Variants in KIN observed in about 807,000 individuals in gnomAD.
KIN encodes the protein DNA/RNA-binding protein KIN17.
In KIN, 47 loss-of-function variants were observed where a neutral mutation model predicts 63.0. That is an observed-to-expected ratio of 0.75 (90% CI 0.59 to 0.95). The LOEUF (loss-of-function observed/expected upper bound fraction) is 0.95. KIN is among the 40% of genes least tolerant of loss of function. The probability of loss-of-function intolerance (pLI) is 0.00; values close to 1 mark genes in which losing one functional copy is unlikely to be tolerated. For synonymous variants in KIN, 160 were observed against 157.7 expected (o/e 1.01, Z -0.11); for missense variants, 408 against 460.9 (o/e 0.89, Z 1.05).
chr10:7,758,876 TACG>T, intron 12 of KIN, among the ~76,000 whole-genome samples: 1 of 152,074 alleles, frequency 6.6e-6, no homozygotes, highest in Non-Finnish European at 1.5e-5. Flanking sequence ...CCCCTTAGTT[TACG>T]TTAGTAACAG....
chr10:7,770,034 G>A (rs1038159525), intron 7 of KIN, among the ~76,000 whole-genome samples: 37 of 152,220 alleles, frequency 2.4e-4, no homozygotes, highest in Admixed American at 1.5e-3. Flanking sequence ...AGGTTCAAGC[G>A]ATTCTCGTGC....
rs73628485 is a variant in KIN at position 7,763,865 on chromosome 10, C to G, written c.850-74G>C. 5,185 of 724,192 alleles carry G rather than the reference C, an allele frequency of 7.2e-3. 220 individuals are homozygous for G. In the African/African-American group the frequency reaches 0.085, roughly 12 times the overall value. The allele number at this position is 724,192 out of a possible 1,614,324, so 44.9% of individuals were successfully genotyped here. On this transcript the variant is annotated intron_variant, in intron 9 of 12. Transcript: ENST00000379562. ...TTGTCATTTACTTCTTCCTTTTAAA[C>G]TATGTTCACCCAAAACCACAGGAAA... is the stretch of plus-strand genomic sequence containing the variant.
chr10:7,768,712 G>C lies in KIN; in HGVS notation c.798+504C>G, dbSNP rs138394924. 1.1e-3 allele frequency among the ~76,000 whole-genome samples: 166 copies of C among 152,208 alleles called. 1 individual carries two copies. Among genetic ancestry groups the C allele is most frequent in the African/African-American group, 3.9e-3 (160 of 41,534 alleles). On this transcript the variant is annotated intron_variant, in intron 8 of 12. Coordinates refer to ENST00000379562, the MANE Select transcript of KIN (RefSeq NM_012311.4). ...GCAGGGAGTTTCAAAGACAGCACCT[G>C]AGGCATTAAAAGAAACCTATTTAGG...
At chr10:7,787,787 C>T in intron 1 of KIN, 33 bp downstream of exon 1, 1 of 1,529,664 alleles carries the variant, frequency 6.5e-7, no homozygotes, top group Middle Eastern at 1.7e-4. Context: ...AGGGGCCCTC[C>T]TGGGAAGACG....
At chr10:7,770,967 T>C (rs1217176514) in intron 7 of KIN, among the ~76,000 whole-genome samples, 1 of 152,222 alleles carries the variant, frequency 6.6e-6, no homozygotes, top group Non-Finnish European at 1.5e-5. Context: ...GGGGTTGTTT[T>C]TCTTTACCTA....
chr10:7,773,927 G>A (rs1256883048), intron 7 of KIN, among the ~76,000 whole-genome samples: 1 of 152,232 alleles, frequency 6.6e-6, no homozygotes, highest in Non-Finnish European at 1.5e-5. Context: ...AATTGCAAGA[G>A]AAGATAATGT....
intron 8 of KIN, among the ~76,000 whole-genome samples, chr10:7,767,032 A>AAAAAAAAAAAAC (rs1835559042): frequency 6.8e-6 from 1 of 147,570 alleles, no homozygotes; most frequent in Non-Finnish European, 1.5e-5. Flanking sequence ...CAAAAAAAAA[A>AAAAAAAAAAAAC]AAAAAACCTC....
At chr10:7,780,514 C>T (rs1835876051) in intron 2 of KIN, among the ~76,000 whole-genome samples, 1 of 152,092 alleles carries the variant, frequency 6.6e-6, no homozygotes, top group Non-Finnish European at 1.5e-5. Context: ...CTTGCCTCAG[C>T]CTCCCAAGTA....
intron 10 of KIN, 67 bp downstream of exon 10, chr10:7,763,656 C>G (rs918481140): frequency 7.0e-6 from 6 of 851,952 alleles, no homozygotes; most frequent in Non-Finnish European, 9.6e-6. Context: ...TCAAGAAATA[C>G]CAAAATAGCT....
intron 12 of KIN, among the ~76,000 whole-genome samples, chr10:7,757,066 A>ATT (rs1835344964): frequency 6.6e-6 from 1 of 152,200 alleles, no homozygotes; most frequent in Non-Finnish European, 1.5e-5. Context: ...TCCCAGTGGA[A>ATT]ATAATGGTAA....
Position 7,765,159 on chromosome 10 carries a change from C to CAA in KIN, c.849+892_849+893dup, listed in dbSNP as rs35343111. 8.3e-3 allele frequency among the ~76,000 whole-genome samples: 775 copies of CAA among 93,110 alleles called. 11 individuals are homozygous for CAA. Among genetic ancestry groups the CAA allele is most frequent in the East Asian group, 0.018 (42 of 2,334 alleles). The allele number at this position is 93,110 out of a possible 152,430, so 61.1% of individuals were successfully genotyped here. On this transcript the variant is annotated intron_variant, in intron 9 of 12. Coordinates refer to ENST00000379562, the MANE Select transcript of KIN (RefSeq NM_012311.4). ...GGGCAATGAGAGCAAAACTCCATCT[C>CAA]AAAAAAAAAAAAAAAAAAAAATTCG... is the stretch of plus-strand genomic sequence containing the variant.
rs1835456384 is a variant in KIN at position 7,762,532 on chromosome 10, C to T, written c.943G>A (p.Val315Ile). Reference sequence around the variant, plus strand: ...TCTCCAGAATCAATCATCTTCACAACAGCTGTATATTTGTCAATTACTTCC... The same window carrying T: ...TCTCCAGAATCAATCATCTTCACAATAGCTGTATATTTGTCAATTACTTCC... Reference protein sequence around the residue: ...VKEVIDKYTAVVKMIDSGDKL... With the variant: ...VKEVIDKYTAIVKMIDSGDKL... Residue 315 changes from valine (V) to isoleucine (I), a missense_variant, in exon 11 of 13, where the codon GTT becomes ATT. By Grantham distance (29) the Val-to-Ile change is conservative (BLOSUM62 3). Coordinates refer to ENST00000379562, the MANE Select transcript of KIN (RefSeq NM_012311.4). 2 of 1,608,672 alleles carry T rather than the reference C, an allele frequency of 1.2e-6. No individual in the cohort carries two copies. Among genetic ancestry groups the T allele is most frequent in the Non-Finnish European group, 1.7e-6 (2 of 1,176,188 alleles).
Position 7,780,319 on chromosome 10 carries a change from A to G in KIN, c.210-12T>C. On this transcript the variant is annotated splice_polypyrimidine_tract_variant and intron_variant, in intron 2 of 12. Coordinates refer to ENST00000379562, the MANE Select transcript of KIN (RefSeq NM_012311.4). The stretch of plus-strand genomic sequence containing the variant: ...CATTTCGGAATTCCCTAATAAAGAA[A>G]GAAAGGAAAGCATTAAGGTAATTTC... 8.1e-6 allele frequency: 13 copies of G among 1,595,492 alleles called. No individual in the cohort carries two copies. Among genetic ancestry groups the G allele is most frequent in the Non-Finnish European group, 1.1e-5 (13 of 1,170,424 alleles).
intron 7 of KIN, among the ~76,000 whole-genome samples, chr10:7,773,988 C>T (rs144119043): frequency 1.1e-4 from 17 of 152,352 alleles, no homozygotes; most frequent in Admixed American, 6.5e-5. Context: ...TTTTGGCAAA[C>T]GACAGCCTAA....
chr10:7,787,302 C>T (rs887984654), intron 1 of KIN, among the ~76,000 whole-genome samples: 2 of 152,212 alleles, frequency 1.3e-5, no homozygotes, highest in African/African-American at 4.8e-5. Context: ...ATCCATAAAC[C>T]AGATAAATCC....
intron 5 of KIN, among the ~76,000 whole-genome samples, chr10:7,776,466 C>A (rs1835774908): frequency 6.7e-6 from 1 of 149,722 alleles, no homozygotes; most frequent in South Asian, 2.1e-4. Flanking sequence ...CGTCTGAATC[C>A]AGGGGGTGAG....
chr10:7,773,607 T>C (rs1311699819), intron 7 of KIN, among the ~76,000 whole-genome samples: 1 of 152,250 alleles, frequency 6.6e-6, no homozygotes, highest in Admixed American at 6.5e-5. Flanking sequence ...TTAAGACATC[T>C]GGCAAATCAT....
chr10:7,768,878 A>G (rs1185954078), intron 8 of KIN, among the ~76,000 whole-genome samples: 2 of 151,892 alleles, frequency 1.3e-5, no homozygotes, highest in African/African-American at 4.8e-5. Flanking sequence ...TTAGCCAGGT[A>G]TGGTGGCAAG....
intron 9 of KIN, among the ~76,000 whole-genome samples, chr10:7,764,410 T>C (rs994322354): frequency 3.3e-5 from 5 of 152,240 alleles, no homozygotes; most frequent in Admixed American, 3.3e-4. Context: ...TTTGCTTCTT[T>C]ACCATTTTTT....
Sources: gnomAD v4.1 joint callset for allele counts (sites outside exome capture counted in the v4.1 genomes callset) on GRCh38, gnomAD v4.1.1 for gene constraint, MANE v1.5 for transcripts, NCBI Gene and HGNC (gene_info 2026-07-23, HGNC 2026-07-21) for gene names.